GATA4: variants seen among roughly 807,000 people sequenced by gnomAD.
GATA4 encodes transcription factor GATA-4.
In GATA4, 7 loss-of-function variants were observed where a neutral mutation model predicts 37.9. The ratio of observed to expected loss-of-function variants is 0.18; its 90% confidence interval spans 0.11 to 0.35. The LOEUF is 0.35. Among genes scored for constraint, GATA4 ranks in the 10% least tolerant of loss-of-function variants. GATA4 has a pLI of 1.00. For missense variants in GATA4, 647 were observed against 653.0 expected, an observed-to-expected ratio of 0.99 and a Z score of 0.10; for synonymous variants, 372 against 292.6, an observed-to-expected ratio of 1.27 and a Z score of -2.77.
At chr8:11,690,234 G>A (rs927947186), upstream of GATA4, among the ~76,000 whole-genome samples, 13 of 152,346 alleles carry the variant, frequency 8.5e-5, no homozygotes, top group African/African-American at 1.2e-4. Flanking sequence ...AGACCATGGC[G>A]CCCGTGTCTC....
intron 5 of GATA4, among the ~76,000 whole-genome samples, chr8:11,755,405 C>T (rs750215232): frequency 5.3e-5 from 8 of 152,176 alleles, no homozygotes; most frequent in South Asian, 2.1e-4. Context: ...CTGGACCAGC[C>T]GAGGTCCTGC....
chr8:11,752,299 T>C (rs1802343054), intron 4 of GATA4, among the ~76,000 whole-genome samples: 1 of 152,230 alleles, frequency 6.6e-6, no homozygotes, highest in Non-Finnish European at 1.5e-5. Context: ...TAGTCTGTTT[T>C]CACACTGCTG....
At chr8:11,737,897 T>C (rs1801537996) in intron 2 of GATA4, among the ~76,000 whole-genome samples, 1 of 152,140 alleles carries the variant, frequency 6.6e-6, no homozygotes, top group Non-Finnish European at 1.5e-5. Flanking sequence ...AAAATAATCA[T>C]AGGACAGCTA....
At chr8:11,724,077 C>G (rs1299681747) in intron 2 of GATA4, among the ~76,000 whole-genome samples, 1 of 152,080 alleles carries the variant, frequency 6.6e-6, no homozygotes, top group Admixed American at 6.5e-5. Context: ...TTGTGACGGG[C>G]TCGTTTCCTT....
At chr8:11,720,859 G>C (rs943124629) in intron 2 of GATA4, among the ~76,000 whole-genome samples, 1 of 151,792 alleles carries the variant, frequency 6.6e-6, no homozygotes, top group African/African-American at 2.4e-5. Flanking sequence ...CTTGGGCTTT[G>C]CTTTTCAGTT....
chr8:11,693,826 C>A (rs2129990936), intron 1 of GATA4, among the ~76,000 whole-genome samples: 1 of 152,240 alleles, frequency 6.6e-6, no homozygotes, highest in African/African-American at 2.4e-5. Flanking sequence ...AGGGCCAAGT[C>A]ATAGGTTATG....
chr8:11,711,083 C>T (rs911203822), intron 2 of GATA4, among the ~76,000 whole-genome samples: 5 of 152,026 alleles, frequency 3.3e-5, no homozygotes, highest in South Asian at 2.1e-4. Flanking sequence ...CCAGGCCTGG[C>T]GACAGAGGGA....
chr8:11,681,402 C>T (rs1798966075), intron 1 of GATA4: 1 of 984,856 alleles, frequency 1.0e-6, no homozygotes, highest in Non-Finnish European at 1.2e-6. Context: ...CTTCCGGGAT[C>T]ACGCGTGGCT....
chr8:11,741,987 G>A (rs890799089), intron 2 of GATA4, among the ~76,000 whole-genome samples: 2 of 152,180 alleles, frequency 1.3e-5, no homozygotes, highest in Non-Finnish European at 2.9e-5. Context: ...GCCTGGGTTC[G>A]ATCCCACTTT....
At chr8:11,683,661 T>A (rs1010043503) in intron 1 of GATA4, among the ~76,000 whole-genome samples, 5 of 152,212 alleles carry the variant, frequency 3.3e-5, no homozygotes, top group Admixed American at 6.5e-5. Flanking sequence ...AGATGAGGAC[T>A]AAAGCCGGAG....
Position 11,740,030 on chromosome 8 carries a change from C to T in GATA4, c.617-8886C>T, listed in dbSNP as rs1018977219. Among the ~76,000 whole-genome samples, 5 of 152,270 alleles carry T rather than the reference C, an allele frequency of 3.3e-5. No homozygotes were observed. The South Asian group carries it at 1.0e-3, about 32-fold the overall frequency. ...GGGAAGCAGCGGCGGGGGCACCCTT[C>T]GCATGCAGTCCCCAGAGGCCAGGAA... On this transcript the variant is annotated intron_variant, in intron 2 of 6. Coordinates refer to ENST00000532059, the MANE Select transcript of GATA4 (RefSeq NM_001308093.3).
intron 1 of GATA4, among the ~76,000 whole-genome samples, chr8:11,678,868 C>T (rs1336805702): frequency 6.6e-6 from 1 of 151,686 alleles, no homozygotes; most frequent in African/African-American, 2.4e-5. Flanking sequence ...TTCTCAAGTT[C>T]GATTAGGGGG....
At chr8:11,725,580 T>C (rs1800880332) in intron 2 of GATA4, among the ~76,000 whole-genome samples, 1 of 152,220 alleles carries the variant, frequency 6.6e-6, no homozygotes, top group African/African-American at 2.4e-5. Flanking sequence ...TGGGTTTTAC[T>C]GCGCAGGCTG....
intron 2 of GATA4, among the ~76,000 whole-genome samples, chr8:11,715,560 G>T (rs1318057123): frequency 3.3e-5 from 5 of 152,116 alleles, no homozygotes; most frequent in Admixed American, 3.3e-4. Context: ...GGCCAATGTG[G>T]TGAAACCCTG....
chr8:11,692,691 CG>C, intron 1 of GATA4: 3 of 948,114 alleles, frequency 3.2e-6, no homozygotes, highest in Non-Finnish European at 3.8e-6. Context: ...GTGAGGGGTG[CG>C]GGGCTGCTCC....
At chr8:11,739,983 C>A (rs749466723) in intron 2 of GATA4, among the ~76,000 whole-genome samples, 96 of 152,272 alleles carry the variant, frequency 6.3e-4, no homozygotes, top group Non-Finnish European at 1.0e-4. Context: ...CAGAGAGAGC[C>A]GACTCAACAA....
intron 1 of GATA4, chr8:11,680,645 G>A (rs1030428939): frequency 1.5e-5 from 15 of 985,400 alleles, no homozygotes; most frequent in Middle Eastern, 5.2e-4. Context: ...GGCGCTGCTG[G>A]GAACGTGTCT....
chr8:11,743,710 C>T (rs1161931953), intron 2 of GATA4, among the ~76,000 whole-genome samples: 1 of 152,170 alleles, frequency 6.6e-6, no homozygotes, highest in Non-Finnish European at 1.5e-5. Context: ...AGGTCGGTGT[C>T]TTTGCCTCTG....
At chr8:11,683,953 C>T (rs901793002) in intron 1 of GATA4, among the ~76,000 whole-genome samples, 11 of 152,208 alleles carry the variant, frequency 7.2e-5, no homozygotes, top group Non-Finnish European at 1.3e-4. Context: ...TTAGCCTGCC[C>T]ACACCTAAAC....
Sources: allele counts gnomAD v4.1 joint callset (sites outside exome capture counted in the v4.1 genomes callset), GRCh38; gene constraint gnomAD v4.1.1; transcripts MANE v1.5; gene names NCBI Gene and HGNC (gene_info 2026-07-23, HGNC 2026-07-21).